The following CEP250 variants were observed in gnomAD, a reference collection of about 807,000 sequenced individuals.
The protein encoded by CEP250 is centrosome-associated protein CEP250.
A neutral mutation model predicts 315.7 loss-of-function variants in CEP250; 242 were observed. The ratio of observed to expected loss-of-function variants is 0.77; its 90% CI spans 0.69 to 0.85. The LOEUF is 0.85. Ranked by LOEUF, CEP250 falls within the 40% of genes least tolerant of loss-of-function variation. The pLI is 0.00. For missense variants in CEP250, 2,515 were observed against 2,886.4 expected (o/e 0.87, Z 2.95); for synonymous variants, 1,088 against 1,175.0 (o/e 0.93, Z 1.51).
intron 17 of CEP250, among the ~76,000 whole-genome samples, chr20:35,478,533 C>T (rs1425237923): frequency 1.3e-5 from 2 of 152,160 alleles, no homozygotes; most frequent in Admixed American, 6.5e-5. Context: ...CCACTGCACT[C>T]CAACCTGGAT....
In CEP250 at chr20:35,478,139, A is replaced by C. The variant is rs760503953; in HGVS notation, c.2094+38A>C. 2.1e-5 allele frequency: 28 copies of C among 1,306,748 alleles called. No homozygotes were observed. In the Admixed American group the frequency reaches 3.5e-4, roughly 16 times the overall value. 80.9% of individuals were successfully genotyped at this position (1,306,748 alleles called of 1,614,324 possible). On this transcript the variant is annotated intron_variant, in intron 17 of 34. Transcript: ENST00000397527. ...AATGGACACCATCATGTCTAGGTGTAATATATGCTCATTATAAAAAATTAA... is the reference window on the plus strand; with the variant it reads ...AATGGACACCATCATGTCTAGGTGTCATATATGCTCATTATAAAAAATTAA...
intron 20 of CEP250, among the ~76,000 whole-genome samples, chr20:35,482,418 T>C (rs139107543): frequency 1.3e-5 from 2 of 151,470 alleles, no homozygotes; most frequent in Non-Finnish European, 2.9e-5. Flanking sequence ...TTTTAGTAAA[T>C]ACAAAAATTT....
chr20:35,472,546 C>T (rs2063050712), intron 11 of CEP250, 127 bp from the exon 12 acceptor site: 2 of 963,958 alleles, frequency 2.1e-6, no homozygotes, highest in Admixed American at 2.3e-5. Flanking sequence ...AGATACTCCC[C>T]TCCTTCCCCC....
intron 11 of CEP250, 59 bp downstream of exon 11, chr20:35,472,210 A>G (rs1601153515): frequency 4.0e-6 from 4 of 996,800 alleles, no homozygotes; most frequent in African/African-American, 1.6e-5. Context: ...CCAGGTCTCC[A>G]TGTCCTTTCA....
Position 35,477,901 on chromosome 20 carries a change from A to G in CEP250, c.1894A>G (p.Arg632Gly), listed in dbSNP as rs754556013. 4.1e-5 allele frequency: 65 copies of G among 1,595,734 alleles called. No homozygotes were observed. Among genetic ancestry groups the G allele is most frequent in the Non-Finnish European group, 5.5e-5 (64 of 1,171,348 alleles). ...GGAGGAGAACCAGTCTGTGTGCAGC[A>G]GAATGGAGGCCGCAGAGCAGGCGAG... ...LEEENQSVCS[R>G]MEAAEQARNA... Residue 632 changes from arginine to glycine, a missense_variant, in exon 17 of 35, where the codon AGA becomes GGA. Physicochemically the swap from Arg to Gly is moderately radical, Grantham distance 125. Transcript: ENST00000397527.
Position 35,490,820 on chromosome 20 carries a change from G to T in CEP250, c.2754+16G>T. 6.2e-7 allele frequency: 1 copy of T among 1,610,456 alleles called. No individual in the cohort carries two copies. The highest frequency in any genetic ancestry group is 8.5e-7 in the Non-Finnish European group (1 of 1,179,360). ...CCTATGCCAGGTGGGAAGCTAGGAG[G>T]ATTGGAGCTGCACGTCCAGTCAGCG... is the stretch of plus-strand genomic sequence containing the variant. On this transcript the variant is annotated intron_variant, in intron 21 of 34. Transcript: ENST00000397527.
intron 25 of CEP250, 138 bp downstream of exon 25, chr20:35,496,853 A>G: frequency 1.1e-6 from 1 of 896,120 alleles, no homozygotes; most frequent in Non-Finnish European, 1.6e-6. Flanking sequence ...GTGCCTCAAC[A>G]CCCCTACAGG....
At chr20:35,490,379 T>C (rs2063651288) in intron 20 of CEP250, among the ~76,000 whole-genome samples, 1 of 152,160 alleles carries the variant, frequency 6.6e-6, no homozygotes, top group South Asian at 2.1e-4. Flanking sequence ...TAAGGGACAA[T>C]TGCAGTTTGG....
At chr20:35,494,976 C>CAG (rs1223248420) in intron 24 of CEP250, among the ~76,000 whole-genome samples, 148,579 of 152,228 alleles carry the variant, frequency 0.98, 72,605 homozygotes, top group Middle Eastern at 1. Flanking sequence ...CAAATTATTA[C>CAG]GTTATGACAC....
At position 35,511,731 on chromosome 20, in the gene CEP250, C is replaced by A. The variant is rs1230852190; in HGVS notation, c.*105C>A. The A allele has an allele frequency of 2.1e-6, 3 of 1,455,652 alleles. No individual in the cohort carries two copies. The highest frequency in any genetic ancestry group is 1.4e-5 in the African/African-American group (1 of 70,438). 90.2% of individuals were successfully genotyped at this position (1,455,652 alleles called of 1,614,324 possible). On this transcript the variant is annotated 3_prime_UTR_variant, in exon 35 of 35. Coordinates refer to ENST00000397527, the MANE Select transcript of CEP250 (RefSeq NM_007186.6). Reference sequence around the variant, plus strand: ...GAAAAGCCTGGCTCTGTTAGGCACCCAGGAGCCCCAGGTCGGCGGGTGTTC... The same window carrying A: ...GAAAAGCCTGGCTCTGTTAGGCACCAAGGAGCCCCAGGTCGGCGGGTGTTC...
chr20:35,490,582 C>G, intron 20 of CEP250, 55 bp from the exon 21 acceptor site: 1 of 1,550,808 alleles, frequency 6.4e-7, no homozygotes, highest in Non-Finnish European at 8.7e-7. Flanking sequence ...ATCCAGTACC[C>G]CTGCCTCCCC....
intron 15 of CEP250, 56 bp downstream of exon 15, chr20:35,475,702 A>G (rs1210823247): frequency 1.0e-5 from 16 of 1,580,474 alleles, no homozygotes; most frequent in South Asian, 2.3e-5. Context: ...GTGTGTTCCC[A>G]TGCAGCCTGC....
rs1901001511 is a variant in CEP250 at position 35,503,881 on chromosome 20, G to A, written c.5512G>A (p.Glu1838Lys). Residue 1838 changes from glutamate to lysine, a missense_variant, in exon 30 of 35, where the codon GAA (glutamate) becomes AAA (lysine). Coordinates refer to ENST00000397527, the MANE Select transcript of CEP250 (RefSeq NM_007186.6). This position sits in a 1 kb window ranked among gnomAD's most constrained non-coding sequence, Gnocchi z 4.2. ...CCAGGGACAGGAGGAGAGGGTGAAG[G>A]AAAAGGCAGACGCCCTCCAGGGAGC... ...QAQGQEERVK[E>K]KADALQGALE... 1 of 1,613,950 alleles carries A rather than the reference G, an allele frequency of 6.2e-7. No homozygotes were observed. Among genetic ancestry groups the A allele is most frequent in the Non-Finnish European group, 8.5e-7 (1 of 1,179,900 alleles).
chr20:35,457,327 G>A (rs1242179274), intron 1 of CEP250, among the ~76,000 whole-genome samples: 1 of 152,066 alleles, frequency 6.6e-6, no homozygotes, highest in African/African-American at 2.4e-5. Context: ...GAAAAAGCAT[G>A]GTAAGGTAAA....
At chr20:35,497,250 A>G (rs2063864321) in intron 25 of CEP250, among the ~76,000 whole-genome samples, 1 of 152,214 alleles carries the variant, frequency 6.6e-6, no homozygotes, top group African/African-American at 2.4e-5. Flanking sequence ...TTTGAATGTA[A>G]GCTTTCTAAT....
chr20:35,508,066 A>T lies in CEP250; in HGVS notation c.6782A>T (p.Asp2261Val). 1 of 1,614,126 alleles carries T rather than the reference A, an allele frequency of 6.2e-7. No individual in the cohort carries two copies. Among genetic ancestry groups the T allele is most frequent in the Non-Finnish European group, 8.5e-7 (1 of 1,180,020 alleles). Residue 2261 changes from aspartate to valine, a missense_variant, in exon 32 of 35, where the codon GAT becomes GTT. Transcript: ENST00000397527. The part of the protein sequence containing the change: ...VSGVEAEPSP[D>V]GMEKQSWRQR... Reference sequence around the variant, plus strand: ...GGAGTGGAGGCTGAGCCTAGTCCTGATGGAATGGAGAAGCAGTCATGGAGA... The same window carrying T: ...GGAGTGGAGGCTGAGCCTAGTCCTGTTGGAATGGAGAAGCAGTCATGGAGA...
At chr20:35,458,028 A>C (rs549295049) in intron 1 of CEP250, among the ~76,000 whole-genome samples, 1 of 152,338 alleles carries the variant, frequency 6.6e-6, no homozygotes, top group South Asian at 2.1e-4. Flanking sequence ...TAAGAAACAA[A>C]TTATGTCTGT....
chr20:35,488,213 A>G (rs748975806), intron 20 of CEP250, among the ~76,000 whole-genome samples: 8 of 152,210 alleles, frequency 5.3e-5, no homozygotes, highest in Non-Finnish European at 1.0e-4. Context: ...ACTCACATAG[A>G]GCAAATAGAT....
Position 35,498,619 on chromosome 20 carries a change from T to C in CEP250, c.3680T>C (p.Phe1227Ser). Reference sequence around the variant, plus strand: ...GACCAGAATGGAGCTAGGAGCCTCTTTAAGAGAGGGCCCCTGCTGACTGCT... The same window carrying C: ...GACCAGAATGGAGCTAGGAGCCTCTCTAAGAGAGGGCCCCTGCTGACTGCT... ...EPDQNGARSL[F>S]KRGPLLTALS... Residue 1227 changes from phenylalanine to serine, a missense_variant, in exon 27 of 35, where the codon TTT becomes TCT. By Grantham distance (155) the Phe-to-Ser change is radical. Coordinates refer to ENST00000397527, the MANE Select transcript of CEP250 (RefSeq NM_007186.6). The C allele has an allele frequency of 1.9e-6, 3 of 1,604,132 alleles. No individual in the cohort carries two copies. Among genetic ancestry groups the C allele is most frequent in the Non-Finnish European group, 2.5e-6 (3 of 1,177,386 alleles).
Sources: gnomAD v4.1 joint callset for allele counts (sites outside exome capture counted in the v4.1 genomes callset) on GRCh38, gnomAD v4.1.1 for gene constraint, Gnocchi (gnomAD v3.1) non-coding constraint, MANE v1.5 for transcripts, NCBI Gene and HGNC (gene_info 2026-07-23, HGNC 2026-07-21) for gene names.